The following TANC2 variants were observed in gnomAD, a reference collection of about 807,000 sequenced individuals.
TANC2 encodes protein TANC2.
A neutral mutation model predicts 210.5 loss-of-function variants in TANC2; 26 were observed. The ratio of observed to expected loss-of-function variants is 0.12; its 90% CI spans 0.09 to 0.17. The LOEUF (loss-of-function observed/expected upper bound fraction) is 0.17. TANC2 is among the 10% of genes least tolerant of loss of function. TANC2 has a pLI of 1.00. For synonymous variants in TANC2, 931 were observed against 967.1 expected (o/e 0.96, Z 0.69); for missense variants, 2,129 against 2,608.9 (o/e 0.82, Z 4.01).
At chr17:63,370,735 C>T (rs1348872481) in intron 14 of TANC2, among the ~76,000 whole-genome samples, 2 of 152,194 alleles carry the variant, frequency 1.3e-5, no homozygotes, top group Non-Finnish European at 2.9e-5. Flanking sequence ...CCATCTTTCA[C>T]ACACTGCTTC....
intron 4 of TANC2, among the ~76,000 whole-genome samples, chr17:63,142,170 A>G (rs1384232627): frequency 6.6e-6 from 1 of 152,154 alleles, no homozygotes; most frequent in Non-Finnish European, 1.5e-5. Flanking sequence ...TTTGTAAAGG[A>G]GTGCTATTAT....
At chr17:63,367,996 G>A (rs2047159389) in intron 14 of TANC2, among the ~76,000 whole-genome samples, 1 of 152,178 alleles carries the variant, frequency 6.6e-6, no homozygotes, top group Non-Finnish European at 1.5e-5. Flanking sequence ...ACTGCAAGTT[G>A]GGCTACTTAT....
intron 18 of TANC2, 179 bp downstream of exon 18, chr17:63,396,107 C>G (rs1389638218): frequency 3.3e-6 from 2 of 608,468 alleles, no homozygotes; most frequent in Non-Finnish European, 5.7e-6. Flanking sequence ...GCCAAAGTCC[C>G]TCAAATTATA....
chr17:62,973,352 A>G (rs775977532), intron 1 of TANC2, among the ~76,000 whole-genome samples: 1 of 152,198 alleles, frequency 6.6e-6, no homozygotes, highest in Non-Finnish European at 1.5e-5. Flanking sequence ...TTAAATATTT[A>G]ATATGACTGG....
intron 4 of TANC2, among the ~76,000 whole-genome samples, chr17:63,110,074 G>A (rs1443332322): frequency 1.3e-5 from 2 of 151,624 alleles, no homozygotes; most frequent in African/African-American, 2.4e-5. Flanking sequence ...AGATTACTTT[G>A]AAATTACTCT....
At chr17:63,077,447 C>T (rs1237482837) in intron 3 of TANC2, among the ~76,000 whole-genome samples, 1 of 152,088 alleles carries the variant, frequency 6.6e-6, no homozygotes, top group Admixed American at 6.6e-5. Flanking sequence ...AAAGATCCTT[C>T]AGAATGACAA....
chr17:63,130,780 A>C (rs1430724522), intron 4 of TANC2: 1 of 152,192 alleles, frequency 6.6e-6, no homozygotes, highest in Non-Finnish European at 1.5e-5. Context: ...CTCCCCTGAG[A>C]ATTTAAAGCT....
chr17:63,235,114 G>T (rs1194775170), intron 7 of TANC2, among the ~76,000 whole-genome samples: 1 of 151,860 alleles, frequency 6.6e-6, no homozygotes, highest in Admixed American at 6.6e-5. Flanking sequence ...GAGTTGTTAG[G>T]CCCCTGGAGT....
chr17:63,013,878 C>G (rs930478847), intron 2 of TANC2, among the ~76,000 whole-genome samples: 1 of 151,440 alleles, frequency 6.6e-6, no homozygotes, highest in Non-Finnish European at 1.5e-5. Flanking sequence ...AAACTATTAC[C>G]CATTATGTCT....
At chr17:63,127,733 G>T (rs1173004078) in intron 4 of TANC2, among the ~76,000 whole-genome samples, 1 of 152,136 alleles carries the variant, frequency 6.6e-6, no homozygotes, top group East Asian at 1.9e-4. Context: ...AAGCATGGTG[G>T]CATATGAAAA....
chr17:63,152,894 C>G (rs2039704259), intron 5 of TANC2: 1 of 152,048 alleles, frequency 6.6e-6, no homozygotes, highest in South Asian at 2.1e-4. Context: ...TGTATATTTT[C>G]CACAGGCATG....
intron 18 of TANC2, chr17:63,396,851 CTGT>C (rs1271891711): frequency 6.6e-6 from 1 of 152,114 alleles, no homozygotes; most frequent in Non-Finnish European, 1.5e-5. Context: ...TTGAAAAAAA[CTGT>C]TGTTATCCTC....
At chr17:63,343,630 C>T (rs2146817013) in intron 12 of TANC2, among the ~76,000 whole-genome samples, 1 of 152,282 alleles carries the variant, frequency 6.6e-6, no homozygotes, top group Non-Finnish European at 1.5e-5. Context: ...TTAGGCTAGG[C>T]TTGGTGGCTT....
chr17:63,053,306 C>T (rs1347022944), intron 2 of TANC2, among the ~76,000 whole-genome samples: 1 of 152,248 alleles, frequency 6.6e-6, no homozygotes, highest in East Asian at 1.9e-4. Flanking sequence ...GGTTTCACCC[C>T]TGCCACTCCA....
intron 16 of TANC2, among the ~76,000 whole-genome samples, 199 bp downstream of exon 16, chr17:63,388,956 A>T (rs1042425761): frequency 6.6e-6 from 1 of 152,154 alleles, no homozygotes; most frequent in African/African-American, 2.4e-5. Context: ...TAACTTCTAT[A>T]AGCTGACTCT....
intron 4 of TANC2, among the ~76,000 whole-genome samples, chr17:63,100,719 C>A (rs2037588773): frequency 6.6e-6 from 1 of 152,094 alleles, no homozygotes; most frequent in South Asian, 2.1e-4. Context: ...GCTGGATTGC[C>A]TGAAGTTTTA....
chr17:63,198,314 C>T (rs1040647674), intron 6 of TANC2, among the ~76,000 whole-genome samples: 1 of 152,026 alleles, frequency 6.6e-6, no homozygotes, highest in African/African-American at 2.4e-5. Flanking sequence ...CATGCCTCAG[C>T]CTCCTGAGTA....
exon 28 of TANC2, chr17:63,424,786 CTCTTG>C (rs1223432078): frequency 5.9e-5 from 9 of 152,220 alleles, no homozygotes; most frequent in East Asian, 3.9e-4. Flanking sequence ...AGCAGAACCG[CTCTTG>C]TCTTTTAGTG....
intron 5 of TANC2, among the ~76,000 whole-genome samples, chr17:63,187,910 G>C (rs1367026607): frequency 6.6e-6 from 1 of 151,886 alleles, no homozygotes; most frequent in Non-Finnish European, 1.5e-5. Flanking sequence ...TTAAATTACT[G>C]AGACAAAGAC....
Sources: allele counts gnomAD v4.1 joint callset (sites outside exome capture counted in the v4.1 genomes callset), GRCh38; gene constraint gnomAD v4.1.1; transcripts MANE v1.5; gene names NCBI Gene and HGNC (gene_info 2026-07-23, HGNC 2026-07-21).